Variants in VTCN1 observed in about 807,000 individuals in gnomAD.
VTCN1 encodes the protein V-set domain containing T cell activation inhibitor 1, also known as V-set domain-containing T-cell activation inhibitor 1.
Under a neutral mutation model 26.5 loss-of-function variants are expected in VTCN1, and 26 were observed. The observed-to-expected ratio is 0.98, with a 90% CI of 0.72 to 1.36. VTCN1 has a LOEUF of 1.36. Among genes scored for constraint, VTCN1 ranks in the 40% most tolerant of loss-of-function variants. The pLI is 0.00. For missense variants in VTCN1, 298 were observed against 337.7 expected, an observed-to-expected ratio of 0.88 and a Z score of 0.92; for synonymous variants, 116 against 130.7, an observed-to-expected ratio of 0.89 and a Z score of 0.77.
intron 1 of VTCN1, among the ~76,000 whole-genome samples, chr1:117,192,390 T>C (rs761036046): frequency 8.5e-5 from 13 of 152,160 alleles, no homozygotes; most frequent in Non-Finnish European, 1.6e-4. Context: ...TGAGAGATGC[T>C]AAAGAAGGTT....
intron 1 of VTCN1, among the ~76,000 whole-genome samples, chr1:117,197,431 C>A (rs966577781): frequency 6.6e-6 from 1 of 152,118 alleles, no homozygotes; most frequent in African/African-American, 2.4e-5. Context: ...ACATAGGGCC[C>A]ATTCATGCTG....
chr1:117,151,506 C>T (rs914174736), intron 4 of VTCN1, among the ~76,000 whole-genome samples: 2 of 152,142 alleles, frequency 1.3e-5, no homozygotes, highest in African/African-American at 2.4e-5. Context: ...AGCTTTTATT[C>T]CCTTATTTGG....
chr1:117,186,975 T>G (rs1461554526), intron 1 of VTCN1, among the ~76,000 whole-genome samples: 3 of 152,040 alleles, frequency 2.0e-5, no homozygotes, highest in Non-Finnish European at 4.4e-5. Flanking sequence ...TTCTGGGCCC[T>G]TTTACAAACC....
chr1:117,179,558 G>T (rs4376721), intron 1 of VTCN1, among the ~76,000 whole-genome samples: 119,236 of 152,192 alleles, frequency 0.78, 47,689 homozygotes, highest in East Asian at 0.99. Flanking sequence ...CAGAGCTCGC[G>T]GAGACTGGCC....
chr1:117,206,926 C>T (rs968552464), intron 1 of VTCN1, among the ~76,000 whole-genome samples: 51 of 152,282 alleles, frequency 3.3e-4, no homozygotes, highest in African/African-American at 1.1e-3. Context: ...GTCCTGTTCA[C>T]GGGATGGACT....
At chr1:117,202,005 C>A (rs981243706) in intron 1 of VTCN1, among the ~76,000 whole-genome samples, 4 of 152,196 alleles carry the variant, frequency 2.6e-5, no homozygotes, top group African/African-American at 9.6e-5. Flanking sequence ...GAAACCTTAT[C>A]TCAAGCTTTA....
At chr1:117,168,674 G>T (rs1652739368) in intron 2 of VTCN1, among the ~76,000 whole-genome samples, 1 of 152,164 alleles carries the variant, frequency 6.6e-6, no homozygotes, top group South Asian at 2.1e-4. Context: ...CCATGATAAA[G>T]AAGGAATTAC....
intron 1 of VTCN1, among the ~76,000 whole-genome samples, chr1:117,187,616 T>C (rs1648012905): frequency 6.6e-6 from 1 of 152,174 alleles, no homozygotes; most frequent in Admixed American, 6.5e-5. Flanking sequence ...AACACAAATG[T>C]GTTACATTGT....
At chr1:117,163,143 G>T (rs1652455219) in intron 2 of VTCN1, among the ~76,000 whole-genome samples, 1 of 152,220 alleles carries the variant, frequency 6.6e-6, no homozygotes, top group East Asian at 1.9e-4. Flanking sequence ...GAGAACAGTT[G>T]CTTCCGTGAG....
chr1:117,181,503 A>C (rs1647670830), intron 1 of VTCN1, among the ~76,000 whole-genome samples: 1 of 152,144 alleles, frequency 6.6e-6, no homozygotes, highest in African/African-American at 2.4e-5. Flanking sequence ...TCTGCTTAGA[A>C]CACCCTTCCA....
chr1:117,199,326 TTC>T (rs1304849065), intron 1 of VTCN1, among the ~76,000 whole-genome samples: 1 of 152,134 alleles, frequency 6.6e-6, no homozygotes, highest in Non-Finnish European at 1.5e-5. Flanking sequence ...ATTACCATTT[TTC>T]TTTTTCTTTC....
Position 117,150,152 on chromosome 1 carries a change from C to T in VTCN1, c.725-2370G>A, listed in dbSNP as rs906517331. On this transcript the variant is annotated intron_variant, in intron 4 of 5. Transcript: ENST00000369458. ...AGTCCCTCCTTCTCTTCTGGGAAGGCCTTTCATCAGATACTGCCTCATTGG... is the reference window on the plus strand; with the variant it reads ...AGTCCCTCCTTCTCTTCTGGGAAGGTCTTTCATCAGATACTGCCTCATTGG... Among the ~76,000 whole-genome samples, 4 of 152,148 alleles carry T rather than the reference C, an allele frequency of 2.6e-5. No homozygotes were observed. The East Asian group carries it at 5.8e-4, about 22-fold the overall frequency.
At position 117,166,851 on chromosome 1, in the gene VTCN1, G is replaced by A. The variant is rs1387100259; in HGVS notation, c.97+3256C>T. Among the ~76,000 whole-genome samples the A allele has an allele frequency of 3.3e-5, 5 of 151,908 alleles. No individual in the cohort carries two copies. In the East Asian group the frequency reaches 9.7e-4, roughly 29 times the overall value. On this transcript the variant is annotated intron_variant, in intron 2 of 5. Coordinates refer to ENST00000369458, the MANE Select transcript of VTCN1 (RefSeq NM_024626.4). ...TCACACCTGTAATCCCAGCACTGTG[G>A]GAGGTCGAGGTGGGTGGATCACTTG...
At chr1:117,176,806 G>T (rs906276635) in intron 1 of VTCN1, among the ~76,000 whole-genome samples, 2 of 152,164 alleles carry the variant, frequency 1.3e-5, no homozygotes, top group African/African-American at 4.8e-5. Context: ...CCTATCCAAA[G>T]AGGAGATTAA....
intron 1 of VTCN1, among the ~76,000 whole-genome samples, chr1:117,205,209 G>T (rs546135484): frequency 1.3e-5 from 2 of 150,970 alleles, no homozygotes; most frequent in African/African-American, 2.4e-5. Context: ...AGGCTGGAGT[G>T]CAGTAACACC....
At chr1:117,171,213 A>G (rs1652901822) in intron 1 of VTCN1, among the ~76,000 whole-genome samples, 2 of 152,300 alleles carry the variant, frequency 1.3e-5, no homozygotes, top group African/African-American at 4.8e-5. Flanking sequence ...ATAGTATTCT[A>G]TGGTGTATAC....
chr1:117,205,935 A>T (rs566782694), intron 1 of VTCN1, among the ~76,000 whole-genome samples: 11 of 152,218 alleles, frequency 7.2e-5, no homozygotes, highest in African/African-American at 2.4e-4. Flanking sequence ...GCAGTGCCTC[A>T]TCAGAGATCT....
At chr1:117,201,299 C>T (rs1025803969) in intron 1 of VTCN1, among the ~76,000 whole-genome samples, 1 of 152,104 alleles carries the variant, frequency 6.6e-6, no homozygotes, top group Non-Finnish European at 1.5e-5. Flanking sequence ...CTGTCATAGC[C>T]CAAGAGAATT....
At chr1:117,208,160 C>A (rs1427133156) in intron 1 of VTCN1, among the ~76,000 whole-genome samples, 1 of 152,234 alleles carries the variant, frequency 6.6e-6, no homozygotes, top group African/African-American at 2.4e-5. Context: ...GACCTCTCAG[C>A]CTCATCTCCC....
Sources: gnomAD v4.1 joint callset for allele counts (sites outside exome capture counted in the v4.1 genomes callset) on GRCh38, gnomAD v4.1.1 for gene constraint, MANE v1.5 for transcripts, NCBI Gene and HGNC (gene_info 2026-07-23, HGNC 2026-07-21) for gene names.